Variants in ZNF503 observed in about 807,000 individuals in gnomAD.
The protein encoded by ZNF503 is zinc finger protein 503, also known as NocA-like zinc finger 2.
In ZNF503, 15 loss-of-function variants were observed where a neutral mutation model predicts 34.4. The ratio of observed to expected loss-of-function variants is 0.44; its 90% CI spans 0.29 to 0.67. The LOEUF is 0.67. Ranked by LOEUF, ZNF503 falls within the 30% of genes least tolerant of loss-of-function variation. The probability of loss-of-function intolerance (pLI) is 0.13; values close to 1 mark genes in which losing one functional copy is unlikely to be tolerated. For missense variants in ZNF503, 1,007 were observed against 926.8 expected (o/e 1.09, Z -1.12); for synonymous variants, 580 against 456.8 (o/e 1.27, Z -3.44).
chr10:75,353,958 G>A, the ZNF503 span, among the ~76,000 whole-genome samples: 1 of 152,348 alleles, frequency 6.6e-6, no homozygotes, highest in South Asian at 2.1e-4. Context: ...AAGGAGGAAA[G>A]GAGCTACTTG....
chr10:75,285,844 A>G, the ZNF503 span, among the ~76,000 whole-genome samples: 2 of 152,184 alleles, frequency 1.3e-5, no homozygotes, highest in African/African-American at 4.8e-5. Context: ...TCCATGGAGG[A>G]GACAGCAGGG....
chr10:75,381,802 A>ATTTTTTT, the ZNF503 span, among the ~76,000 whole-genome samples: 2 of 41,376 alleles, frequency 4.8e-5, no homozygotes, highest in African/African-American at 8.2e-5. Flanking sequence ...ACAGAACCTA[A>ATTTTTTT]TTCTTTTTTT....
chr10:75,333,500 GC>G, the ZNF503 span, among the ~76,000 whole-genome samples: 1 of 51,156 alleles, frequency 2.0e-5, no homozygotes, highest in African/African-American at 8.8e-5. Flanking sequence ...GGCTGGCCGG[GC>G]TGAGGGGCTC....
Position 75,401,226 on chromosome 10 carries a change from G to A in ZNF503, c.194C>T (p.Pro65Leu), listed in dbSNP as rs745534319. 4 of 1,607,290 alleles carry A rather than the reference G, an allele frequency of 2.5e-6. No individual in the cohort carries two copies. The highest frequency in any genetic ancestry group is 3.4e-6 in the Non-Finnish European group (4 of 1,176,350). ...PFVHAVPPSD[P>L]LRQANRLPIK... is the part of the protein sequence containing the mutation. ...TGGCAGGCGGTTGGCCTGGCGCAGG[G>A]GGTCAGAGGGGGGCACGGCGTGCAC... is the stretch of plus-strand genomic sequence containing the variant. Residue 65 changes from proline to leucine, a missense_variant, in exon 1 of 2, where the codon CCC becomes CTC. Physicochemically the swap from Pro to Leu is moderately conservative, Grantham distance 98. Transcript: ENST00000372524.
At chr10:75,294,424 G>T in the ZNF503 span, among the ~76,000 whole-genome samples, 1 of 152,206 alleles carries the variant, frequency 6.6e-6, no homozygotes, top group Non-Finnish European at 1.5e-5. Context: ...AGGGCCTGGC[G>T]TTGGGCTTTC....
chr10:75,310,966 C>G, the ZNF503 span, among the ~76,000 whole-genome samples: 1 of 152,170 alleles, frequency 6.6e-6, no homozygotes, highest in Non-Finnish European at 1.5e-5. Flanking sequence ...AGGAAGATGT[C>G]AAACTGAATT....
chr10:75,300,141 C>T, the ZNF503 span, among the ~76,000 whole-genome samples: 1 of 152,212 alleles, frequency 6.6e-6, no homozygotes, highest in Non-Finnish European at 1.5e-5. Context: ...GGCCCACCCT[C>T]AGGGGCACAT....
chr10:75,365,117 TC>T, the ZNF503 span, among the ~76,000 whole-genome samples: 1 of 152,114 alleles, frequency 6.6e-6, no homozygotes, highest in Admixed American at 6.5e-5. Flanking sequence ...TTTCTAGGGG[TC>T]CCCCATATGG....
the ZNF503 span, among the ~76,000 whole-genome samples, chr10:75,355,542 C>T: frequency 5.3e-5 from 8 of 152,100 alleles, no homozygotes; most frequent in South Asian, 2.1e-4. Context: ...TGAGTCCTCC[C>T]CACCCTCCAC....
chr10:75,387,015 G>A, the ZNF503 span, among the ~76,000 whole-genome samples: 2 of 152,224 alleles, frequency 1.3e-5, no homozygotes, highest in South Asian at 2.1e-4. Flanking sequence ...TTGCCTCCAC[G>A]CCTAAGATAA....
At chr10:75,328,711 T>C in the ZNF503 span, among the ~76,000 whole-genome samples, 1 of 152,088 alleles carries the variant, frequency 6.6e-6, no homozygotes, top group Admixed American at 6.5e-5. Context: ...ATCACAATAT[T>C]AATTCTCCCA....
chr10:75,337,118 G>A, the ZNF503 span, among the ~76,000 whole-genome samples: 4 of 151,614 alleles, frequency 2.6e-5, 1 homozygote, highest in South Asian at 8.3e-4. Context: ...GAGCCCAGGA[G>A]TTTGAGACCA....
the ZNF503 span, among the ~76,000 whole-genome samples, chr10:75,375,969 C>G: frequency 2.6e-5 from 4 of 152,118 alleles, no homozygotes; most frequent in African/African-American, 9.7e-5. Context: ...GAGAGGGAAC[C>G]CCAGAGTGGG....
chr10:75,372,707 T>G, the ZNF503 span, among the ~76,000 whole-genome samples: 3 of 152,212 alleles, frequency 2.0e-5, no homozygotes, highest in Non-Finnish European at 4.4e-5. Flanking sequence ...AAGATCAGGC[T>G]AATGTACTGT....
the ZNF503 span, among the ~76,000 whole-genome samples, chr10:75,354,995 C>A: frequency 6.6e-6 from 1 of 151,194 alleles, no homozygotes; most frequent in Non-Finnish European, 1.5e-5. Flanking sequence ...TGTGCCACCA[C>A]GCCCAGCTAA....
the ZNF503 span, among the ~76,000 whole-genome samples, chr10:75,281,962 G>A: frequency 2.6e-5 from 4 of 152,224 alleles, no homozygotes; most frequent in Admixed American, 6.5e-5. Context: ...CTCCAGTTGG[G>A]ACTCAGGTCT....
chr10:75,376,195 A>G, the ZNF503 span, among the ~76,000 whole-genome samples: 3 of 152,168 alleles, frequency 2.0e-5, no homozygotes, highest in Admixed American at 6.5e-5. Context: ...TGCTGACATC[A>G]CTAGGTGTTC....
At chr10:75,313,903 C>A in the ZNF503 span, among the ~76,000 whole-genome samples, 2 of 152,142 alleles carry the variant, frequency 1.3e-5, no homozygotes, top group Non-Finnish European at 2.9e-5. Context: ...TTTTGCCACT[C>A]CTAAGAGGGA....
the ZNF503 span, among the ~76,000 whole-genome samples, chr10:75,372,675 C>T: frequency 1.3e-5 from 2 of 152,102 alleles, no homozygotes; most frequent in Non-Finnish European, 1.5e-5. Flanking sequence ...AAGAGTAGGT[C>T]GGTGTTTTCA....
Sources: gnomAD v4.1 joint callset for allele counts (sites outside exome capture counted in the v4.1 genomes callset) on GRCh38, gnomAD v4.1.1 for gene constraint, MANE v1.5 for transcripts, NCBI Gene and HGNC (gene_info 2026-07-23, HGNC 2026-07-21) for gene names.